The following ZNF768 variants were observed in gnomAD, a reference collection of about 807,000 sequenced individuals.
ZNF768 encodes the protein zinc finger protein 768.
Under a neutral mutation model 39.7 loss-of-function variants are expected in ZNF768, and 12 were observed. The ratio of observed to expected loss-of-function variants is 0.30; its 90% CI spans 0.19 to 0.49. The LOEUF is 0.49. ZNF768 is among the 20% of genes least tolerant of loss of function. The pLI is 0.99. For missense variants in ZNF768, 613 were observed against 723.2 expected (o/e 0.85, Z 1.75); for synonymous variants, 360 against 288.4 (o/e 1.25, Z -2.52).
chr16:30,525,664 T>C lies in ZNF768; in HGVS notation c.476A>G (p.Gln159Arg), dbSNP rs368933983. The change falls in exon 2 of 2, where the codon CAA (glutamine) becomes CGA (arginine). Residue 159 changes from glutamine (Q) to arginine (R), a missense_variant. By Grantham distance (43) the Gln-to-Arg change is conservative. Transcript: ENST00000380412. The stretch of plus-strand genomic sequence containing the variant: ...ACTTTGAGCTTCAAATTCTGGGCTT[T>C]GGGTTTTGAGCTCAGTGTTCTGGGA... ...YESQNTELKT[Q>R]SPEFEAQSSK... is the part of the protein sequence containing the mutation. 9.7e-5 allele frequency: 157 copies of C among 1,614,130 alleles called. No individual in the cohort carries two copies. Among genetic ancestry groups the C allele is most frequent in the Non-Finnish European group, 1.3e-4 (154 of 1,180,034 alleles).
At position 30,525,835 on chromosome 16, in the gene ZNF768, G is replaced by A. The variant is rs1421884119; in HGVS notation, c.305C>T (p.Pro102Leu). ...CTGAGAATCTGATTCAGGGCTTCTGGGTGCAAACTCAGGGCTTGGGGGCAC... is the reference window on the plus strand; with the variant it reads ...CTGAGAATCTGATTCAGGGCTTCTGAGTGCAAACTCAGGGCTTGGGGGCAC... The part of the protein sequence containing the change: ...GLVPPSPEFA[P>L]RSPESDSQSP... The change falls in exon 2 of 2, where the codon CCC becomes CTC. Residue 102 changes from proline to leucine, a missense_variant. Physicochemically the swap from Pro to Leu is moderately conservative, Grantham distance 98. Transcript: ENST00000380412. The A allele has an allele frequency of 1.3e-6, 2 of 1,532,630 alleles. No homozygotes were observed. Among genetic ancestry groups the A allele is most frequent in the East Asian group, 4.5e-5 (2 of 44,336 alleles). The allele number at this position is 1,532,630 out of a possible 1,614,324, so 94.9% of individuals were successfully genotyped here.
In ZNF768 at chr16:30,526,332, G is replaced by T. The variant is rs759074238; in HGVS notation, c.82C>A (p.Leu28Ile). The part of the protein sequence containing the change: ...SDEMRSPEGY[L>I]RGNMSENEEE... ...ACGGGCGCTCCCTCCTCACCTCTGA[G>T]GTACCCTTCGGGGCTCCTCATTTCG... The change falls in exon 1 of 2, where the codon CTC becomes ATC. Residue 28 changes from leucine to isoleucine, a missense_variant. Coordinates refer to ENST00000380412, the MANE Select transcript of ZNF768 (RefSeq NM_024671.4). The T allele has an allele frequency of 6.2e-7, 1 of 1,609,194 alleles. No individual in the cohort carries two copies. The highest frequency in any genetic ancestry group is 8.5e-7 in the Non-Finnish European group (1 of 1,178,126).
Position 30,526,563 on chromosome 16 carries a change from G to C in ZNF768, c.-150C>G. On this transcript the variant is annotated 5_prime_UTR_variant, in exon 1 of 2. Coordinates refer to ENST00000380412, the MANE Select transcript of ZNF768 (RefSeq NM_024671.4). The stretch of plus-strand genomic sequence containing the variant: ...CCAGCCCGGGCCCCCGAGGCCGGAC[G>C]TCTTGACCCCGCGCCTCTCCAGCGC... The C allele has an allele frequency of 9.5e-7, 1 of 1,054,854 alleles. No individual in the cohort carries two copies. Among genetic ancestry groups the C allele is most frequent in the South Asian group, 4.5e-5 (1 of 22,154 alleles). 65.3% of individuals were successfully genotyped at this position (1,054,854 alleles called of 1,614,324 possible).
chr16:30,524,428 G>A lies in ZNF768; in HGVS notation c.*89C>T, dbSNP rs996954802. ...ATCCTCAGCTCCTCCATTCTCCTGCGGCTTCTCCACTATCCTCCCTAAAGG... is the reference window on the plus strand; with the variant it reads ...ATCCTCAGCTCCTCCATTCTCCTGCAGCTTCTCCACTATCCTCCCTAAAGG... On this transcript the variant is annotated 3_prime_UTR_variant, in exon 2 of 2. Transcript: ENST00000380412. The A allele has an allele frequency of 2.0e-6, 3 of 1,499,230 alleles. No homozygotes were observed. Among genetic ancestry groups the A allele is most frequent in the South Asian group, 1.3e-5 (1 of 74,772 alleles). 92.9% of individuals were successfully genotyped at this position (1,499,230 alleles called of 1,614,324 possible). A position where few individuals can be genotyped will look rare whatever the true frequency, so the allele number is the denominator to read the frequency against.
chr16:30,528,266 T>A (rs1264689415), upstream of ZNF768: 1 of 152,128 alleles, frequency 6.6e-6, no homozygotes, highest in African/African-American at 2.4e-5. Context: ...AAATAAAGGC[T>A]TACAGGTGGG....
Position 30,524,368 on chromosome 16 carries a change from T to C in ZNF768, c.*149A>G. On this transcript the variant is annotated 3_prime_UTR_variant, in exon 2 of 2. Coordinates refer to ENST00000380412, the MANE Select transcript of ZNF768 (RefSeq NM_024671.4). ...CCACTTCCCACAAGTCTCCAGGGCA[T>C]GTCACTTCCTCCACCCTGGTTCTCT... The C allele has an allele frequency of 7.7e-7, 1 of 1,293,658 alleles. No homozygotes were observed. Among genetic ancestry groups the C allele is most frequent in the Non-Finnish European group, 1.0e-6 (1 of 969,354 alleles). 80.1% of individuals were successfully genotyped at this position (1,293,658 alleles called of 1,614,324 possible).
At chr16:30,532,435 A>G in the ZNF768 span, 1 of 1,525,910 alleles carries the variant, frequency 6.6e-7, no homozygotes, top group Non-Finnish European at 8.8e-7. Flanking sequence ...GCCGCTGCAG[A>G]GGTTCGGGCC....
At chr16:30,530,051 G>T (rs560153022), upstream of ZNF768, among the ~76,000 whole-genome samples, 1 of 152,000 alleles carries the variant, frequency 6.6e-6, no homozygotes, top group South Asian at 2.1e-4. The surrounding 1 kb of genome is among the most constrained non-coding windows in gnomAD (Gnocchi z 4.4). Context: ...GGATGGTCTC[G>T]GTCTCCTGAC....
chr16:30,525,388 C>T lies in ZNF768; in HGVS notation c.752G>A (p.Arg251Gln), dbSNP rs778589873. The T allele has an allele frequency of 9.9e-6, 16 of 1,613,878 alleles. No homozygotes were observed. The highest frequency in any genetic ancestry group is 1.3e-5 in the Non-Finnish European group (15 of 1,179,938). ...CCGAGGGCCCTGCCCACCCCTGGCC[C>T]GGCCACCCCGCCGACCTGGACCTCG... is the stretch of plus-strand genomic sequence containing the variant. ...ALRGPGRRGG[R>Q]ARGGQGPRPN... is the part of the protein sequence containing the mutation. The change falls in exon 2 of 2, where the codon CGG becomes CAG. Residue 251 changes from arginine (R) to glutamine (Q), a missense_variant. Transcript: ENST00000380412.
At position 30,525,804 on chromosome 16, in the gene ZNF768, A is replaced by G. The variant is rs1208587132; in HGVS notation, c.336T>C (p.Pro112=). Reference sequence around the variant, plus strand: ...ACCTAGGGCTCTGGGATTCAAACTCAGGGCTCTGAGAATCTGATTCAGGGC... The same window carrying G: ...ACCTAGGGCTCTGGGATTCAAACTCGGGGCTCTGAGAATCTGATTCAGGGC... ...PRSPESDSQS[P]EFESQSPRYE... Residue 112 remains proline, a synonymous_variant, in exon 2 of 2, where the codon CCT becomes CCC. Coordinates refer to ENST00000380412, the MANE Select transcript of ZNF768 (RefSeq NM_024671.4). The G allele has an allele frequency of 1.9e-6, 3 of 1,550,398 alleles. No individual in the cohort carries two copies.
At chr16:30,532,224 T>G in the ZNF768 span, 2 of 565,396 alleles carry the variant, frequency 3.5e-6, no homozygotes, top group South Asian at 2.2e-5. Context: ...TCTTAGCATC[T>G]CTGGGAGGAG....
Position 30,524,228 on chromosome 16 carries a change from T to G in ZNF768, c.*289A>C. The G allele has an allele frequency of 5.7e-6, 1 of 174,820 alleles. No homozygotes were observed. Among genetic ancestry groups the G allele is most frequent in the Non-Finnish European group, 1.1e-5 (1 of 92,664 alleles). 10.8% of individuals were successfully genotyped at this position (174,820 alleles called of 1,614,324 possible). A position where few individuals can be genotyped will look rare whatever the true frequency, so the allele number is the denominator to read the frequency against. ...ATCCCCTGCCCTCCCCCCTCCCTGC[T>G]CTAGCAGTTGCCAAGCCAGGCACCC... is the stretch of plus-strand genomic sequence containing the variant. On this transcript the variant is annotated 3_prime_UTR_variant, in exon 2 of 2. Transcript: ENST00000380412.
Position 30,524,904 on chromosome 16 carries a change from C to T in ZNF768, c.1236G>A (p.Gln412=). ...GGGCATGGGGGATAAGGGCCGACCG[C>T]TGGGAGAAGCTCTTGCCGCAGATGC... ...SCGICGKSFS[Q]RSALIPHARS... The change falls in exon 2 of 2, where the codon CAG becomes CAA. Residue 412 remains glutamine, a synonymous_variant. Transcript: ENST00000380412. The T allele has an allele frequency of 6.2e-7, 1 of 1,613,016 alleles. No individual in the cohort carries two copies. Among genetic ancestry groups the T allele is most frequent in the Non-Finnish European group, 8.5e-7 (1 of 1,179,862 alleles).
At position 30,524,747 on chromosome 16, in the gene ZNF768, T is replaced by A; in HGVS notation, c.1393A>T (p.Thr465Ser). The A allele has an allele frequency of 6.3e-7, 1 of 1,599,164 alleles. No homozygotes were observed. Among genetic ancestry groups the A allele is most frequent in the Non-Finnish European group, 8.5e-7 (1 of 1,174,424 alleles). Residue 465 changes from threonine (T) to serine (S), a missense_variant, in exon 2 of 2, where the codon ACC becomes TCC. Physicochemically the swap from Thr to Ser is moderately conservative, Grantham distance 58. Around this residue, in one of 4 missense-constraint regions of ZNF768, gnomAD observed 204 missense variants for 281.7 expected, o/e 0.72. Transcript: ENST00000380412. Reference protein sequence around the residue: ...RTYSCPDCGKTFNRSSTLIQH... With the variant: ...RTYSCPDCGKSFNRSSTLIQH... ...ATGAGAGTGGAGGAGCGATTGAAGG[T>A]CTTGCCGCAGTCGGGGCAGCTGTAG...
At position 30,526,558 on chromosome 16, in the gene ZNF768, C is replaced by T. The variant is rs1030640997; in HGVS notation, c.-145G>A. On this transcript the variant is annotated 5_prime_UTR_variant, in exon 1 of 2. Coordinates refer to ENST00000380412, the MANE Select transcript of ZNF768 (RefSeq NM_024671.4). ...GCGGCCCAGCCCGGGCCCCCGAGGC[C>T]GGACGTCTTGACCCCGCGCCTCTCC... is the stretch of plus-strand genomic sequence containing the variant. 1.9e-6 allele frequency: 2 copies of T among 1,062,900 alleles called. No homozygotes were observed. The highest frequency in any genetic ancestry group is 7.3e-5 in the East Asian group (1 of 13,748). 65.8% of individuals were successfully genotyped at this position (1,062,900 alleles called of 1,614,324 possible).
chr16:30,524,930 C>G lies in ZNF768; in HGVS notation c.1210G>C (p.Gly404Arg). The G allele has an allele frequency of 6.2e-7, 1 of 1,613,600 alleles. No individual in the cohort carries two copies. Among genetic ancestry groups the G allele is most frequent in the Non-Finnish European group, 8.5e-7 (1 of 1,179,898 alleles). ...VHTGQRPFSCGICGKSFSQRS... is the reference protein window; with the variant it reads ...VHTGQRPFSCRICGKSFSQRS... ...TGGGAGAAGCTCTTGCCGCAGATGC[C>G]ACAGCTGAAGGGCCTCTGACCGGTG... Residue 404 changes from glycine to arginine, a missense_variant, in exon 2 of 2, where the codon GGC (glycine) becomes CGC (arginine). Physicochemically the swap from Gly to Arg is moderately radical, Grantham distance 125. Around this residue, in one of 4 missense-constraint regions of ZNF768, gnomAD observed 204 missense variants for 281.7 expected, o/e 0.72. Transcript: ENST00000380412.
chr16:30,524,902 C>G lies in ZNF768; in HGVS notation c.1238G>C (p.Arg413Pro), dbSNP rs1395610523. The G allele has an allele frequency of 6.2e-7, 1 of 1,612,886 alleles. No homozygotes were observed. The highest frequency in any genetic ancestry group is 8.5e-7 in the Non-Finnish European group (1 of 1,179,866). The change falls in exon 2 of 2, where the codon CGG (arginine) becomes CCG (proline). Residue 413 changes from arginine to proline, a missense_variant. This residue lies in a region of ZNF768 where 204 missense variants were observed against 281.7 expected (regional missense o/e 0.72). Coordinates refer to ENST00000380412, the MANE Select transcript of ZNF768 (RefSeq NM_024671.4). ...CGICGKSFSQRSALIPHARSH... is the reference protein window; with the variant it reads ...CGICGKSFSQPSALIPHARSH... Reference sequence around the variant, plus strand: ...GCGGGCATGGGGGATAAGGGCCGACCGCTGGGAGAAGCTCTTGCCGCAGAT... The same window carrying G: ...GCGGGCATGGGGGATAAGGGCCGACGGCTGGGAGAAGCTCTTGCCGCAGAT...
At chr16:30,527,409 C>G, upstream of ZNF768, 1 of 830,064 alleles carries the variant, frequency 1.2e-6, no homozygotes, top group Non-Finnish European at 1.5e-6. Flanking sequence ...CTTCTCCGCC[C>G]CAGGAAGCCC....
In ZNF768 at chr16:30,526,347, T is replaced by A; in HGVS notation, c.67A>T (p.Ser23Cys). ...QDVQSSDEMR[S>C]PEGYLRGNMS... ...TCACCTCTGAGGTACCCTTCGGGGC[T>A]CCTCATTTCGTCAGAACTCTGCACA... Residue 23 changes from serine (S) to cysteine (C), a missense_variant, in exon 1 of 2, where the codon AGC (serine) becomes TGC (cysteine). By Grantham distance (112) the Ser-to-Cys change is moderately radical. Transcript: ENST00000380412. The A allele has an allele frequency of 6.2e-7, 1 of 1,608,288 alleles. No individual in the cohort carries two copies.
Sources: gnomAD v4.1 joint callset for allele counts (sites outside exome capture counted in the v4.1 genomes callset) on GRCh38, gnomAD v4.1.1 for gene constraint, gnomAD v4.1.1 regional missense constraint, Gnocchi (gnomAD v3.1) non-coding constraint, MANE v1.5 for transcripts, NCBI Gene and HGNC (gene_info 2026-07-23, HGNC 2026-07-21) for gene names.